The following IMMP2L variants were observed in gnomAD, a reference collection of about 807,000 sequenced individuals.
IMMP2L encodes mitochondrial inner membrane protease subunit 2.
Under a neutral mutation model 19.3 loss-of-function variants are expected in IMMP2L, and 18 were observed. The ratio of observed to expected loss-of-function variants is 0.93; its 90% CI spans 0.64 to 1.38. The LOEUF (loss-of-function observed/expected upper bound fraction) is 1.38. Among genes scored for constraint, IMMP2L ranks in the 40% most tolerant of loss-of-function variants. IMMP2L has a pLI of 0.00. For synonymous variants in IMMP2L, 76 were observed against 73.0 expected, an observed-to-expected ratio of 1.04 and a Z score of -0.21; for missense variants, 233 against 218.2, an observed-to-expected ratio of 1.07 and a Z score of -0.43.
chr7:110,964,494 G>A (rs377033240), intron 3 of IMMP2L, among the ~76,000 whole-genome samples: 3 of 152,122 alleles, frequency 2.0e-5, no homozygotes, highest in East Asian at 3.9e-4. Flanking sequence ...GCTACTGACA[G>A]TTAAAATAAA....
intron 5 of IMMP2L, among the ~76,000 whole-genome samples, chr7:110,743,653 T>C (rs758933501): frequency 3.3e-5 from 5 of 152,078 alleles, no homozygotes; most frequent in Non-Finnish European, 5.9e-5. Flanking sequence ...TGAAGCAGGG[T>C]GGGGCATCAC....
At chr7:111,306,222 C>T (rs1206882176) in intron 3 of IMMP2L, among the ~76,000 whole-genome samples, 1 of 152,096 alleles carries the variant, frequency 6.6e-6, no homozygotes, top group Non-Finnish European at 1.5e-5. Flanking sequence ...CCTATATACT[C>T]TAGCAGTGGA....
chr7:110,864,537 G>C (rs1237513910), intron 5 of IMMP2L, among the ~76,000 whole-genome samples: 3 of 152,030 alleles, frequency 2.0e-5, no homozygotes, highest in African/African-American at 4.8e-5. Flanking sequence ...AGTATGTTTA[G>C]CATCTCTCAT....
intron 2 of IMMP2L, chr7:111,492,445 T>A (rs1415847203): frequency 1.0e-6 from 1 of 953,868 alleles, no homozygotes; most frequent in Non-Finnish European, 1.2e-6. Context: ...GTCAAGAATG[T>A]TTTTTCCCCA....
intron 5 of IMMP2L, among the ~76,000 whole-genome samples, chr7:110,840,547 CAGAGGGTGGGGTGGAAAAAGGTA>C (rs1804968151): frequency 6.6e-6 from 1 of 152,074 alleles, no homozygotes; most frequent in Non-Finnish European, 1.5e-5. Flanking sequence ...CACATAAATG[CAGAGGGTGGGGTGGAAAAAGGTA>C]GAAAATTACA....
At chr7:111,505,623 T>C (rs1844807322) in intron 2 of IMMP2L, among the ~76,000 whole-genome samples, 2 of 152,088 alleles carry the variant, frequency 1.3e-5, no homozygotes, top group South Asian at 2.1e-4. Context: ...ATATACACCA[T>C]GGAATACTAT....
chr7:111,033,368 G>A (rs890475807), intron 3 of IMMP2L, among the ~76,000 whole-genome samples: 7 of 151,990 alleles, frequency 4.6e-5, no homozygotes, highest in Non-Finnish European at 4.4e-5. Context: ...ACTCATTGCT[G>A]GTGGGAATGC....
rs941226296 is a variant in IMMP2L, at chr7:111,306,172, T to C, written c.239+181066A>G. The stretch of plus-strand genomic sequence containing the variant: ...TATACAATTTTAATCATCAAAAAAA[T>C]TTATAAATTCACAGAAGATTTTTAG... On this transcript the variant is annotated intron_variant, in intron 3 of 5. Coordinates refer to ENST00000405709, the MANE Select transcript of IMMP2L (RefSeq NM_032549.4). Among the ~76,000 whole-genome samples the C allele has an allele frequency of 4.6e-5, 7 of 152,146 alleles. No individual in the cohort carries two copies. In the East Asian group the frequency reaches 1.3e-3, roughly 29 times the overall value.
chr7:110,919,408 A>G (rs866405992), intron 4 of IMMP2L, among the ~76,000 whole-genome samples: 13 of 152,292 alleles, frequency 8.5e-5, no homozygotes, highest in Middle Eastern at 6.8e-3. Context: ...TGAAACTTAG[A>G]AAGAGCAGAA....
intron 3 of IMMP2L, among the ~76,000 whole-genome samples, chr7:111,339,636 C>T (rs1241210997): frequency 6.6e-6 from 1 of 151,970 alleles, no homozygotes; most frequent in Non-Finnish European, 1.5e-5. Context: ...TACACCACTC[C>T]TCTCAACTAG....
At chr7:111,183,868 T>G (rs1161746278) in intron 3 of IMMP2L, among the ~76,000 whole-genome samples, 1 of 152,128 alleles carries the variant, frequency 6.6e-6, no homozygotes, top group Non-Finnish European at 1.5e-5. Flanking sequence ...CACTCTGGAA[T>G]TTAACTGATA....
At chr7:110,928,255 C>A (rs559611041) in intron 4 of IMMP2L, among the ~76,000 whole-genome samples, 175 of 151,356 alleles carry the variant, frequency 1.2e-3, no homozygotes, top group African/African-American at 4.2e-3. Context: ...AATATTAGCT[C>A]TTCTGTTTTT....
At chr7:111,402,468 T>C (rs1401074096) in intron 3 of IMMP2L, among the ~76,000 whole-genome samples, 1 of 152,054 alleles carries the variant, frequency 6.6e-6, no homozygotes, top group Non-Finnish European at 1.5e-5. Context: ...CCCAGCACTT[T>C]GGGAGGCTGA....
At chr7:111,413,356 T>C (rs1217337425) in intron 3 of IMMP2L, among the ~76,000 whole-genome samples, 1 of 152,036 alleles carries the variant, frequency 6.6e-6, no homozygotes, top group African/African-American at 2.4e-5. Flanking sequence ...CCAGCTTGTT[T>C]ATGAAGCCAC....
intron 5 of IMMP2L, among the ~76,000 whole-genome samples, chr7:110,867,482 T>C (rs1160939919): frequency 1.3e-5 from 2 of 152,040 alleles, no homozygotes; most frequent in Non-Finnish European, 2.9e-5. Context: ...ATAAAATGTA[T>C]GAGCAAGAAA....
chr7:111,117,608 T>G (rs371784913), intron 3 of IMMP2L, among the ~76,000 whole-genome samples: 5 of 152,176 alleles, frequency 3.3e-5, no homozygotes, highest in African/African-American at 1.2e-4. Context: ...AATAGAACAG[T>G]CTTTTACAAG....
chr7:111,443,382 A>G (rs1398381385), intron 3 of IMMP2L, among the ~76,000 whole-genome samples: 6 of 152,210 alleles, frequency 3.9e-5, no homozygotes, highest in Admixed American at 3.3e-4. Flanking sequence ...TCTTAAGAGA[A>G]GGAAAACTGA....
At chr7:110,892,984 G>T (rs1810961746) in intron 4 of IMMP2L, among the ~76,000 whole-genome samples, 2 of 151,996 alleles carry the variant, frequency 1.3e-5, no homozygotes, top group South Asian at 4.1e-4. Context: ...CTACAGTTTT[G>T]CCTTTTCTAG....
In IMMP2L at chr7:111,333,322, A is replaced by G. The variant is rs530251004; in HGVS notation, c.239+153916T>C. On this transcript the variant is annotated intron_variant, in intron 3 of 5. Coordinates refer to ENST00000405709, the MANE Select transcript of IMMP2L (RefSeq NM_032549.4). ...ATTTCCTTTTTCCTTTAAATGTGAC[A>G]TAAGATTCATTGACTTGCTATCAGC... Among the ~76,000 whole-genome samples the G allele has an allele frequency of 5.9e-5, 9 of 152,240 alleles. No individual in the cohort carries two copies. In the South Asian group the frequency reaches 1.5e-3, roughly 25 times the overall value.
Sources: allele counts gnomAD v4.1 joint callset (sites outside exome capture counted in the v4.1 genomes callset), GRCh38; gene constraint gnomAD v4.1.1; transcripts MANE v1.5; gene names NCBI Gene and HGNC (gene_info 2026-07-23, HGNC 2026-07-21).